The following DOCK1 variants were observed in gnomAD, a reference collection of about 807,000 sequenced individuals.
DOCK1 encodes the protein dedicator of cytokinesis protein 1.
DOCK1 carries 138 observed loss-of-function variants against 262.7 expected under a neutral mutation model. The ratio of observed to expected loss-of-function variants is 0.53; its 90% CI spans 0.46 to 0.61. The LOEUF (loss-of-function observed/expected upper bound fraction) is 0.61. Among genes scored for constraint, DOCK1 ranks in the 20% least tolerant of loss-of-function variants. The probability of loss-of-function intolerance (pLI) is 0.00; values close to 1 mark genes in which losing one functional copy is unlikely to be tolerated. For missense variants in DOCK1, 1,908 were observed against 2,370.7 expected (o/e 0.80, Z 4.05); for synonymous variants, 866 against 867.4 (o/e 1.00, Z 0.03).
intron 29 of DOCK1, among the ~76,000 whole-genome samples, chr10:127,324,422 G>A (rs377349548): frequency 6.6e-6 from 1 of 152,132 alleles, no homozygotes; most frequent in African/African-American, 2.4e-5. Flanking sequence ...ACAGCCTCTG[G>A]GTCTCCAAAC....
chr10:127,161,759 C>T (rs998619804), intron 27 of DOCK1, among the ~76,000 whole-genome samples: 1 of 152,174 alleles, frequency 6.6e-6, no homozygotes, highest in Non-Finnish European at 1.5e-5. Context: ...CCTGTCTTGC[C>T]ATGTTGTCAT....
At chr10:127,126,483 C>T (rs909070290) in intron 26 of DOCK1, among the ~76,000 whole-genome samples, 3 of 152,030 alleles carry the variant, frequency 2.0e-5, no homozygotes, top group Non-Finnish European at 4.4e-5. Flanking sequence ...GTAATCCCAG[C>T]GGTTTGGGAA....
intron 27 of DOCK1, among the ~76,000 whole-genome samples, chr10:127,242,333 G>C (rs1259801639): frequency 1.3e-5 from 2 of 152,260 alleles, no homozygotes; most frequent in East Asian, 3.9e-4. Context: ...TTGAGGTTTT[G>C]TTTGTTTTTT....
intron 1 of DOCK1, among the ~76,000 whole-genome samples, chr10:126,949,704 T>C (rs2036019285): frequency 6.6e-6 from 1 of 152,152 alleles, no homozygotes; most frequent in Non-Finnish European, 1.5e-5. Context: ...GGAAAAGTAT[T>C]ACTCAAGAAT....
rs2068281618 is a variant in DOCK1, at chr10:127,418,311, C to G, written c.4516-54C>G. 2.6e-6 allele frequency: 4 copies of G among 1,523,044 alleles called. No individual in the cohort carries two copies. The East Asian group carries it at 9.5e-5, about 36-fold the overall frequency. The allele number at this position is 1,523,044 out of a possible 1,614,324, so 94.3% of individuals were successfully genotyped here. The stretch of plus-strand genomic sequence containing the variant: ...AGCACGTGGCTCCTCTGGTGAGACC[C>G]TGGGAGTGGAGGCAGCTGTGGGGCT... On this transcript the variant is annotated intron_variant, in intron 44 of 51. Transcript: ENST00000623213.
chr10:126,948,410 T>C lies in DOCK1; in HGVS notation c.47-22292T>C, dbSNP rs1342489237. The stretch of plus-strand genomic sequence containing the variant: ...ATGGTGGTGGTTGGTAGTATTACTG[T>C]TGGTGGTGATGGTGGTGGTGGTGGT... On this transcript the variant is annotated intron_variant, in intron 1 of 51. Transcript: ENST00000623213. Among the ~76,000 whole-genome samples the C allele has an allele frequency of 1.3e-4, 4 of 30,604 alleles. 2 individuals are homozygous for C. Among genetic ancestry groups the C allele is most frequent in the Non-Finnish European group, 3.2e-4 (4 of 12,320 alleles). The allele number at this position is 30,604 out of a possible 152,430, so 20.1% of individuals were successfully genotyped here.
chr10:127,438,857 A>C (rs1373512603), intron 48 of DOCK1, among the ~76,000 whole-genome samples, 170 bp from the exon 49 acceptor site: 1 of 152,292 alleles, frequency 6.6e-6, no homozygotes, highest in East Asian at 1.9e-4. Flanking sequence ...TTGGGATTGA[A>C]ACACAGTCCT....
At chr10:127,181,400 C>T (rs767286520) in intron 27 of DOCK1, among the ~76,000 whole-genome samples, 2 of 152,156 alleles carry the variant, frequency 1.3e-5, no homozygotes, top group Non-Finnish European at 2.9e-5. Context: ...CTTAAAATGT[C>T]CGTGCTGATT....
At chr10:127,110,194 T>C (rs944040942) in intron 24 of DOCK1, 54 bp from the exon 25 acceptor site, 1 of 1,439,544 alleles carries the variant, frequency 6.9e-7, no homozygotes, top group African/African-American at 1.4e-5. Flanking sequence ...GTAACAACAT[T>C]GGATCCTTTT....
chr10:127,149,421 A>G (rs142390571), intron 27 of DOCK1, among the ~76,000 whole-genome samples: 161 of 152,280 alleles, frequency 1.1e-3, no homozygotes, highest in African/African-American at 3.6e-3. Context: ...CTAGTCCTCT[A>G]TATTTCCATG....
intron 32 of DOCK1, among the ~76,000 whole-genome samples, chr10:127,358,175 C>T (rs902273398): frequency 2.0e-5 from 3 of 152,082 alleles, no homozygotes; most frequent in Non-Finnish European, 4.4e-5. Context: ...CATGAGTCTC[C>T]TCCTTCAGTC....
intron 1 of DOCK1, among the ~76,000 whole-genome samples, chr10:126,905,903 C>G (rs2030685535): frequency 6.6e-6 from 1 of 152,114 alleles, no homozygotes; most frequent in Non-Finnish European, 1.5e-5. Flanking sequence ...CTCCCCGGCC[C>G]CGGCCGCTGC....
intron 6 of DOCK1, among the ~76,000 whole-genome samples, chr10:126,991,776 G>A (rs1002592663): frequency 1.3e-5 from 2 of 152,056 alleles, no homozygotes; most frequent in Non-Finnish European, 2.9e-5. Context: ...TGATCCACCC[G>A]CCTTGGCATC....
intron 28 of DOCK1, among the ~76,000 whole-genome samples, chr10:127,256,591 CCTT>C (rs1210727998): frequency 1.3e-5 from 2 of 152,084 alleles, no homozygotes; most frequent in African/African-American, 2.4e-5. Flanking sequence ...AAGTAGGAAA[CCTT>C]CTAATTCTGA....
chr10:127,303,322 T>G (rs552962629), intron 29 of DOCK1, among the ~76,000 whole-genome samples: 100 of 152,280 alleles, frequency 6.6e-4, no homozygotes, highest in Non-Finnish European at 1.4e-3. Context: ...AGGTGGAGGA[T>G]GAGTAATTTG....
chr10:126,990,642 C>A (rs1169700342), intron 6 of DOCK1, 39 bp downstream of exon 6: 1 of 1,604,054 alleles, frequency 6.2e-7, no homozygotes, highest in Non-Finnish European at 8.5e-7. Context: ...CTTAAATTAT[C>A]CAATGTAATA....
chr10:126,999,561 T>C, intron 9 of DOCK1, 126 bp downstream of exon 9: 2 of 703,882 alleles, frequency 2.8e-6, no homozygotes, highest in Non-Finnish European at 4.9e-6. Context: ...CAGGTTAATT[T>C]AGTATTACTA....
At chr10:127,121,921 A>G (rs1437307892) in intron 25 of DOCK1, among the ~76,000 whole-genome samples, 1 of 152,240 alleles carries the variant, frequency 6.6e-6, no homozygotes, top group Non-Finnish European at 1.5e-5. Context: ...ACACACACTC[A>G]TACCACCACT....
intron 1 of DOCK1, among the ~76,000 whole-genome samples, chr10:126,954,314 T>C (rs1049345843): frequency 6.6e-6 from 1 of 152,234 alleles, no homozygotes; most frequent in Admixed American, 6.5e-5. Flanking sequence ...TCACAGCCGA[T>C]GCAGGGGCCT....
Sources: allele counts gnomAD v4.1 joint callset (sites outside exome capture counted in the v4.1 genomes callset), GRCh38; gene constraint gnomAD v4.1.1; transcripts MANE v1.5; gene names NCBI Gene and HGNC (gene_info 2026-07-23, HGNC 2026-07-21).